Variants in PALM3 observed in about 807,000 individuals in gnomAD.
PALM3 encodes paralemmin-3.
Under a neutral mutation model 27.9 loss-of-function variants are expected in PALM3, and 20 were observed. The ratio of observed to expected loss-of-function variants is 0.72; its 90% confidence interval spans 0.50 to 1.04. The LOEUF is 1.04. Among genes scored for constraint, PALM3 ranks in the 50% least tolerant of loss-of-function variants. The pLI is 0.00. For missense variants in PALM3, 814 were observed against 869.4 expected, an observed-to-expected ratio of 0.94 and a Z score of 0.80; for synonymous variants, 328 against 352.7, an observed-to-expected ratio of 0.93 and a Z score of 0.79.
chr19:14,057,952 A>G lies in PALM3; in HGVS notation c.91-521T>C, dbSNP rs1000361288. ...GTGAAAACCCGGCTCTACTAAAAATACAAAAATTAGCTGGGCGTGGTAGCA... is the reference window on the plus strand; with the variant it reads ...GTGAAAACCCGGCTCTACTAAAAATGCAAAAATTAGCTGGGCGTGGTAGCA... On this transcript the variant is annotated intron_variant, in intron 2 of 6. Transcript: ENST00000669674. 3.9e-5 allele frequency among the ~76,000 whole-genome samples: 6 copies of G among 152,128 alleles called. 1 individual carries two copies. The highest frequency in any genetic ancestry group is 3.9e-4 in the Admixed American group (6 of 15,278).
intron 1 of PALM3, 23 bp downstream of exon 1, chr19:14,061,917 C>T (rs2145708690): frequency 2.0e-6 from 2 of 984,476 alleles, no homozygotes; most frequent in Admixed American, 6.1e-5. Flanking sequence ...CCCACCAGCC[C>T]CCCTGACCCC....
chr19:14,055,291 G>GGAAGAC, intron 6 of PALM3, 65 bp from the exon 7 acceptor site: 1 of 1,529,288 alleles, frequency 6.5e-7, no homozygotes, highest in Non-Finnish European at 8.8e-7. Flanking sequence ...GGAACAAAAG[G>GGAAGAC]ACTGCCATCC....
At position 14,053,558 on chromosome 19, in the gene PALM3, C is replaced by A; in HGVS notation, c.*47G>T. The A allele has an allele frequency of 2.8e-6, 4 of 1,433,640 alleles. No individual in the cohort carries two copies. The highest frequency in any genetic ancestry group is 1.6e-5 in the South Asian group (1 of 63,398). The allele number at this position is 1,433,640 out of a possible 1,614,324, so 88.8% of individuals were successfully genotyped here. ...GACCCTCTTCTGGGTGCCAAGAGGC[C>A]GAGGTAGCTGTGAGAGGAGCTGGAC... is the stretch of plus-strand genomic sequence containing the variant. On this transcript the variant is annotated 3_prime_UTR_variant, in exon 7 of 7. Coordinates refer to ENST00000669674, the MANE Select transcript of PALM3 (RefSeq NM_001145028.2).
Position 14,057,435 on chromosome 19 carries a change from C to A in PALM3, c.91-4G>T, listed in dbSNP as rs758202208. 4 of 1,534,640 alleles carry A rather than the reference C, an allele frequency of 2.6e-6. No individual in the cohort carries two copies. Among genetic ancestry groups the A allele is most frequent in the South Asian group, 2.4e-5 (2 of 83,398 alleles). On this transcript the variant is annotated splice_region_variant and splice_polypyrimidine_tract_variant and intron_variant, in intron 2 of 6. Coordinates refer to ENST00000669674, the MANE Select transcript of PALM3 (RefSeq NM_001145028.2). ...CCTCCTGCAGCCGCCGCTTCTCCTG[C>A]GCACAGAGGACCCGGAGCTGCCCGC...
In PALM3 at chr19:14,053,646, C is replaced by A; in HGVS notation, c.2026G>T (p.Gly676Cys). Residue 676 changes from glycine (G) to cysteine (C), a missense_variant, in exon 7 of 7, where the codon GGC becomes TGC. Gly to Cys is a radical substitution (Grantham distance 159). Transcript: ENST00000669674. ...CACTGGCACGTCTTTTGCTTAGGGC[C>A]ACTTGCCTCTTCACCCTCGGTGGGG... ...SAPTEGEEAS[G>C]PKQKTCQCCA... is the part of the protein sequence containing the mutation. 6.8e-7 allele frequency: 1 copy of A among 1,466,816 alleles called. No individual in the cohort carries two copies. The highest frequency in any genetic ancestry group is 9.0e-7 in the Non-Finnish European group (1 of 1,109,666). 90.9% of individuals were successfully genotyped at this position (1,466,816 alleles called of 1,614,324 possible).
At position 14,056,787 on chromosome 19, in the gene PALM3, T is replaced by C. The variant is rs1976313405; in HGVS notation, c.189A>G (p.Glu63=). 1.3e-6 allele frequency: 2 copies of C among 1,549,668 alleles called. No homozygotes were observed. The highest frequency in any genetic ancestry group is 1.7e-6 in the Non-Finnish European group (2 of 1,146,054). The change falls in exon 4 of 7, where the codon GAA becomes GAG. Residue 63 remains glutamate (E), a synonymous_variant. Coordinates refer to ENST00000669674, the MANE Select transcript of PALM3 (RefSeq NM_001145028.2). ...CAGCTGCCCCATCCATTAGCCAACGTTCCCGGAGAGACTTCCTCTGGGCAG... is the reference window on the plus strand; with the variant it reads ...CAGCTGCCCCATCCATTAGCCAACGCTCCCGGAGAGACTTCCTCTGGGCAG... The part of the protein sequence containing the change: ...VERLKRKSLR[E]RWLMDGAAAV...
intron 6 of PALM3, 45 bp from the exon 7 acceptor site, chr19:14,055,271 G>C: frequency 6.6e-7 from 1 of 1,523,432 alleles, no homozygotes. Context: ...AGGGAAGACA[G>C]GGTTAAGATG....
In PALM3 at chr19:14,053,943, G is replaced by T. The variant is rs1313249917; in HGVS notation, c.1729C>A (p.Leu577Ile). Residue 577 changes from leucine (L) to isoleucine (I), a missense_variant, in exon 7 of 7, where the codon CTT (leucine) becomes ATT (isoleucine). By Grantham distance (5) the Leu-to-Ile change is conservative. Coordinates refer to ENST00000669674, the MANE Select transcript of PALM3 (RefSeq NM_001145028.2). ...GGCCTTGTCTCCGTGTTAGCCTCAAGGGGAGGCCCTGCCTCATTCATCTCC... is the reference window on the plus strand; with the variant it reads ...GGCCTTGTCTCCGTGTTAGCCTCAATGGGAGGCCCTGCCTCATTCATCTCC... ...AEEMNEAGPP[L>I]EANTETRPEK... The T allele has an allele frequency of 3.9e-6, 6 of 1,551,500 alleles. No individual in the cohort carries two copies. The highest frequency in any genetic ancestry group is 1.4e-5 in the African/African-American group (1 of 73,000).
intron 5 of PALM3, 70 bp from the exon 6 acceptor site, chr19:14,055,495 T>TC: frequency 1.3e-6 from 2 of 1,492,216 alleles, no homozygotes; most frequent in Non-Finnish European, 1.8e-6. Context: ...CATGCTAGGC[T>TC]CCCACCCCAC....
intron 2 of PALM3, among the ~76,000 whole-genome samples, chr19:14,058,438 G>A (rs1976357013): frequency 1.3e-5 from 2 of 149,468 alleles, no homozygotes; most frequent in African/African-American, 5.0e-5. Context: ...TGGGGGTGCA[G>A]CCATGGGGGT....
chr19:14,059,045 A>G, intron 2 of PALM3, 70 bp downstream of exon 2: 7 of 1,371,158 alleles, frequency 5.1e-6, no homozygotes, highest in Non-Finnish European at 5.8e-6. Context: ...CGCAGAGATG[A>G]CGGAGAGACG....
At position 14,054,643 on chromosome 19, in the gene PALM3, A is replaced by G; in HGVS notation, c.1029T>C (p.Gly343=). 1 of 1,550,698 alleles carries G rather than the reference A, an allele frequency of 6.4e-7. No homozygotes were observed. The highest frequency in any genetic ancestry group is 1.2e-5 in the South Asian group (1 of 83,976). The change falls in exon 7 of 7, where the codon GGT becomes GGC. Residue 343 remains glycine (G), a synonymous_variant. Coordinates refer to ENST00000669674, the MANE Select transcript of PALM3 (RefSeq NM_001145028.2). The stretch of plus-strand genomic sequence containing the variant: ...CTCCTCCAGAGCCTCCCTGCCCATC[A>G]CCCTCAGGGCTGCCCTGGGGCACAT... ...GEDVPQGSPE[G]DGQGGSGGEE...
Position 14,054,367 on chromosome 19 carries a change from T to A in PALM3, c.1305A>T (p.Ser435=). The change falls in exon 7 of 7, where the codon TCA becomes TCT. Residue 435 remains serine (S), a synonymous_variant. Coordinates refer to ENST00000669674, the MANE Select transcript of PALM3 (RefSeq NM_001145028.2). ...PGTGRDEAEM[S]PVVERKGGEK... is the part of the protein sequence containing the mutation. ...CTCCTCCTTTCCTCTCTACCACTGG[T>A]GACATCTCCGCTTCATCCCTCCCTG... 1 of 1,552,122 alleles carries A rather than the reference T, an allele frequency of 6.4e-7. No individual in the cohort carries two copies. The highest frequency in any genetic ancestry group is 2.4e-5 in the East Asian group (1 of 40,908).
rs11669632 is a variant in PALM3 at position 14,054,525 on chromosome 19, C to A, written c.1147G>T (p.Gly383Trp). 6.4e-7 allele frequency: 1 copy of A among 1,551,516 alleles called. No homozygotes were observed. Among genetic ancestry groups the A allele is most frequent in the Non-Finnish European group, 8.7e-7 (1 of 1,146,930 alleles). Reference protein sequence around the residue: ...VEGLEGPEVAGRERGDESPLG... With the variant: ...VEGLEGPEVAWRERGDESPLG... The stretch of plus-strand genomic sequence containing the variant: ...GGGCTTTCATCTCCTCTCTCCCTCC[C>A]TGCCACCTCGGGCCCTTCCAACCCC... The change falls in exon 7 of 7, where the codon GGG becomes TGG. Residue 383 changes from glycine (G) to tryptophan (W), a missense_variant. By Grantham distance (184) the Gly-to-Trp change is radical. Coordinates refer to ENST00000669674, the MANE Select transcript of PALM3 (RefSeq NM_001145028.2).
At position 14,053,437 on chromosome 19, in the gene PALM3, TG is replaced by T; in HGVS notation, c.*167del. 1 of 669,884 alleles carries T rather than the reference TG, an allele frequency of 1.5e-6. No homozygotes were observed. 41.5% of individuals were successfully genotyped at this position (669,884 alleles called of 1,614,324 possible). ...AGAAGGAGGCCAGGGTTACAGGCAGTGGGCAAGGGGTCTGGAAGCCCAGGTT... is the reference window on the plus strand; with the variant it reads ...AGAAGGAGGCCAGGGTTACAGGCAGTGGCAAGGGGTCTGGAAGCCCAGGTT... On this transcript the variant is annotated 3_prime_UTR_variant, in exon 7 of 7. Coordinates refer to ENST00000669674, the MANE Select transcript of PALM3 (RefSeq NM_001145028.2).
rs1404427610 is a variant in PALM3 at position 14,054,687 on chromosome 19, C to T, written c.985G>A (p.Ala329Thr). 3.0e-5 allele frequency: 47 copies of T among 1,551,476 alleles called. No homozygotes were observed. In the South Asian group the frequency reaches 4.0e-4, roughly 13 times the overall value. Reference protein sequence around the residue: ...PRLQERLEAAASIEGEDVPQG... With the variant: ...PRLQERLEAATSIEGEDVPQG... ...GGCACATCTTCCCCTTCTATGGAAGCTGCTGCCTCTAATCTCTCCTGGAGC... is the reference window on the plus strand; with the variant it reads ...GGCACATCTTCCCCTTCTATGGAAGTTGCTGCCTCTAATCTCTCCTGGAGC... Residue 329 changes from alanine to threonine, a missense_variant, in exon 7 of 7, where the codon GCT (alanine) becomes ACT (threonine). Ala to Thr is a moderately conservative substitution (Grantham distance 58). Transcript: ENST00000669674.
At position 14,059,785 on chromosome 19, in the gene PALM3, C is replaced by G. The variant is rs2145707034; in HGVS notation, c.42-622G>C. 2.0e-5 allele frequency among the ~76,000 whole-genome samples: 3 copies of G among 152,222 alleles called. No individual in the cohort carries two copies. The Middle Eastern group carries it at 0.01, about 518-fold the overall frequency. On this transcript the variant is annotated intron_variant, in intron 1 of 6. Transcript: ENST00000669674. ...TGCCATGGTAACCCCAGAGCTGCCT[C>G]CTCCACCTGCTAACCCCCCTCCCTG...
At chr19:14,056,848 C>A in intron 3 of PALM3, 44 bp from the exon 4 acceptor site, 1 of 1,499,690 alleles carries the variant, frequency 6.7e-7, no homozygotes, top group Non-Finnish European at 8.9e-7. Context: ...CAGACTACCC[C>A]GGTCCATGTA....
In PALM3 at chr19:14,054,901, A is replaced by C; in HGVS notation, c.771T>G (p.Ala257=). The C allele has an allele frequency of 6.5e-7, 1 of 1,548,868 alleles. No individual in the cohort carries two copies. The highest frequency in any genetic ancestry group is 1.2e-5 in the South Asian group (1 of 84,000). ...ATGATGPELE[A]KVEEVVLEAI... ...CTTCCAGCACCACTTCCTCCACCTT[A>C]GCCTCCAGCTCGGGGCCCGTGGCCC... Residue 257 remains alanine, a synonymous_variant, in exon 7 of 7, where the codon GCT becomes GCG. Coordinates refer to ENST00000669674, the MANE Select transcript of PALM3 (RefSeq NM_001145028.2).
Sources: allele counts gnomAD v4.1 joint callset (sites outside exome capture counted in the v4.1 genomes callset), GRCh38; gene constraint gnomAD v4.1.1; transcripts MANE v1.5; gene names NCBI Gene and HGNC (gene_info 2026-07-23, HGNC 2026-07-21).